The following CACNA1B variants were observed in gnomAD, a reference collection of about 807,000 sequenced individuals.
The protein encoded by CACNA1B is calcium voltage-gated channel subunit alpha1 B, also known as voltage-dependent N-type calcium channel subunit alpha-1B.
CACNA1B carries 70 observed loss-of-function variants against 247.2 expected under a neutral mutation model. That is an observed-to-expected ratio of 0.28 (90% CI 0.23 to 0.35). CACNA1B has a LOEUF of 0.35. CACNA1B is among the 10% of genes least tolerant of loss of function. The probability of loss-of-function intolerance (pLI) is 1.00; values close to 1 mark genes in which losing one functional copy is unlikely to be tolerated. For synonymous variants in CACNA1B, 1,231 were observed against 1,294.4 expected, an observed-to-expected ratio of 0.95 and a Z score of 1.05; for missense variants, 2,367 against 3,197.4, an observed-to-expected ratio of 0.74 and a Z score of 6.26.
chr9:138,026,444 A>G (rs1258531733), intron 20 of CACNA1B, among the ~76,000 whole-genome samples: 1 of 150,960 alleles, frequency 6.6e-6, no homozygotes, highest in African/African-American at 2.4e-5. Context: ...TCTTCCCCAC[A>G]CCCCTGTTGG....
rs370882227 is a variant in CACNA1B, at chr9:137,948,957, G to A, written c.967-3317G>A. Reference sequence around the variant, plus strand: ...TGTTTGTGTATGGTCTGTGTGGCATGCATGTGTATGGTGTGTGTCTGTTGT... The same window carrying A: ...TGTTTGTGTATGGTCTGTGTGGCATACATGTGTATGGTGTGTGTCTGTTGT... On this transcript the variant is annotated intron_variant, in intron 6 of 46. Coordinates refer to ENST00000371372, the MANE Select transcript of CACNA1B (RefSeq NM_000718.4). 1.1e-3 allele frequency among the ~76,000 whole-genome samples: 161 copies of A among 142,300 alleles called. 1 individual carries two copies. Among genetic ancestry groups the A allele is most frequent in the African/African-American group, 4.1e-3 (155 of 38,174 alleles). The allele number at this position is 142,300 out of a possible 152,430, so 93.4% of individuals were successfully genotyped here. A position where few individuals can be genotyped will look rare whatever the true frequency, so the allele number is the denominator to read the frequency against.
At chr9:138,061,221 C>T (rs969080104) in intron 31 of CACNA1B, among the ~76,000 whole-genome samples, 6 of 152,312 alleles carry the variant, frequency 3.9e-5, no homozygotes, top group African/African-American at 1.4e-4. Flanking sequence ...CTTTGTGATG[C>T]CTGCTGGCCT....
At position 138,010,448 on chromosome 9, in the gene CACNA1B, TA is replaced by T. The variant is rs1958709765; in HGVS notation, c.2160+373del. Among the ~76,000 whole-genome samples the T allele has an allele frequency of 2.0e-5, 3 of 152,274 alleles. No individual in the cohort carries two copies. The South Asian group carries it at 6.2e-4, about 32-fold the overall frequency. On this transcript the variant is annotated intron_variant, in intron 17 of 46. Transcript: ENST00000371372. This position sits in a 1 kb window ranked among gnomAD's most constrained non-coding sequence, Gnocchi z 5.3. ...AGGCAGTGCTCAGCGGGTGCCATTTTAATATTCATCTCATCCCTGAGCCTGG... is the reference window on the plus strand; with the variant it reads ...AGGCAGTGCTCAGCGGGTGCCATTTTATATTCATCTCATCCCTGAGCCTGG...
chr9:137,983,526 C>T (rs1284331365), intron 12 of CACNA1B, among the ~76,000 whole-genome samples: 1 of 152,124 alleles, frequency 6.6e-6, no homozygotes, highest in Non-Finnish European at 1.5e-5. Flanking sequence ...TTCCAGCTCA[C>T]CAACATCAAC....
chr9:137,890,562 C>G (rs1423371017), intron 3 of CACNA1B: 2 of 150,492 alleles, frequency 1.3e-5, no homozygotes, highest in Non-Finnish European at 3.0e-5. Flanking sequence ...GGCAAAGTCC[C>G]CATGCCACAG....
chr9:138,047,588 C>T, intron 23 of CACNA1B, 130 bp downstream of exon 23: 1 of 675,968 alleles, frequency 1.5e-6, no homozygotes, highest in South Asian at 1.8e-5. Context: ...TGTGTGCGTA[C>T]TGGGTGTGTG....
chr9:137,910,500 A>G (rs975631755), intron 3 of CACNA1B, among the ~76,000 whole-genome samples: 1 of 152,152 alleles, frequency 6.6e-6, no homozygotes, highest in Non-Finnish European at 1.5e-5. Context: ...CTTTGTTTCT[A>G]TTATTGTTAC....
rs1232086117 is a variant in CACNA1B at position 138,011,926 on chromosome 9, A to G, written c.2161-1203A>G. Among the ~76,000 whole-genome samples the G allele has an allele frequency of 6.6e-6, 1 of 152,224 alleles. No homozygotes were observed. The highest frequency in any genetic ancestry group is 2.4e-5 in the African/African-American group (1 of 41,452). On this transcript the variant is annotated intron_variant, in intron 17 of 46. Transcript: ENST00000371372. This position sits in a 1 kb window ranked among gnomAD's most constrained non-coding sequence, Gnocchi z 4.2. ...TTGAGGAAACAGTGGTGGCCCCAGC[A>G]GTCCAGATGGACAACGTGGAAGTCG...
chr9:138,103,241 C>T (rs1961313887), intron 38 of CACNA1B, among the ~76,000 whole-genome samples: 1 of 152,176 alleles, frequency 6.6e-6, no homozygotes, highest in Non-Finnish European at 1.5e-5. Flanking sequence ...TGGGTCTGGC[C>T]CTGGGGGCAG....
chr9:137,987,041 C>T (rs371867444), intron 15 of CACNA1B, among the ~76,000 whole-genome samples, 187 bp downstream of exon 15: 27 of 152,326 alleles, frequency 1.8e-4, no homozygotes, highest in Middle Eastern at 3.4e-3. Context: ...TCTCCAGGTC[C>T]GGGGGCCCCA....
chr9:138,075,794 G>A lies in CACNA1B; in HGVS notation c.4858-25G>A, dbSNP rs201766357. 4.6e-4 allele frequency: 694 copies of A among 1,509,248 alleles called. 3 individuals are homozygous for A. Among genetic ancestry groups the A allele is most frequent in the Non-Finnish European group, 5.3e-4 (584 of 1,092,038 alleles). The allele number at this position is 1,509,248 out of a possible 1,614,324, so 93.5% of individuals were successfully genotyped here. On this transcript the variant is annotated intron_variant, in intron 34 of 46. Transcript: ENST00000371372. ...GGCTCCTGCAGACCCAGCAGGGTCC[G>A]TGCCATTGCTCTTCTCCATTGCAGG...
At chr9:138,118,513 TGTGAACAGCA>T in intron 43 of CACNA1B, 129 bp from the exon 44 acceptor site, 1 of 577,898 alleles carries the variant, frequency 1.7e-6, no homozygotes, top group Non-Finnish European at 3.1e-6. Flanking sequence ...GTGGGGGACG[TGTGAACAGCA>T]GTGGGAGTTA....
chr9:137,991,885 A>T (rs1397549263), intron 15 of CACNA1B, among the ~76,000 whole-genome samples: 1 of 152,204 alleles, frequency 6.6e-6, no homozygotes, highest in Non-Finnish European at 1.5e-5. Flanking sequence ...AGGCAAACAA[A>T]TGCTGAGAGA....
intron 6 of CACNA1B, among the ~76,000 whole-genome samples, chr9:137,929,691 C>T (rs1957588052): frequency 6.6e-6 from 1 of 152,116 alleles, no homozygotes; most frequent in South Asian, 2.1e-4. Context: ...CTTACTGTGT[C>T]ACTCAGGCTG....
chr9:137,879,024 C>A, intron 1 of CACNA1B, 30 bp from the exon 2 acceptor site: 1 of 1,443,582 alleles, frequency 6.9e-7, no homozygotes, highest in African/African-American at 1.4e-5. Flanking sequence ...CTCCGTGCGG[C>A]GTCTGCCGGC....
chr9:138,047,947 G>A (rs1156881945), intron 23 of CACNA1B, among the ~76,000 whole-genome samples: 1 of 152,158 alleles, frequency 6.6e-6, no homozygotes, highest in Non-Finnish European at 1.5e-5. Context: ...GTGTTGACAC[G>A]AGGTCCCCCA....
At chr9:138,105,447 C>G (rs954354543) in intron 38 of CACNA1B, among the ~76,000 whole-genome samples, 9 of 152,216 alleles carry the variant, frequency 5.9e-5, no homozygotes, top group African/African-American at 2.2e-4. Flanking sequence ...GATCAAGGCT[C>G]CAGTCTTTAC....
chr9:137,986,482 C>T lies in CACNA1B; in HGVS notation c.1839C>T (p.Leu613=), dbSNP rs188088141. The change falls in exon 14 of 47, where the codon CTC becomes CTT. Residue 613 remains leucine (L), a synonymous_variant. Transcript: ENST00000371372. The surrounding 1 kb of genome is among the most constrained non-coding windows in gnomAD (Gnocchi z 6.0). ...LNSMKSIISL[L]FLLFLFIVVF... Reference sequence around the variant, plus strand: ...CCATGAAGTCCATCATCAGCCTGCTCTTCTTGCTCTTCCTGTTCATTGTGG... The same window carrying T: ...CCATGAAGTCCATCATCAGCCTGCTTTTCTTGCTCTTCCTGTTCATTGTGG... 1.2e-6 allele frequency: 2 copies of T among 1,613,792 alleles called. No homozygotes were observed. The highest frequency in any genetic ancestry group is 2.2e-5 in the East Asian group (1 of 44,872).
In CACNA1B at chr9:138,102,476, G is replaced by A. The variant is rs1205659858; in HGVS notation, c.5223-235G>A. On this transcript the variant is annotated intron_variant, in intron 37 of 46. Coordinates refer to ENST00000371372, the MANE Select transcript of CACNA1B (RefSeq NM_000718.4). This position sits in a 1 kb window ranked among gnomAD's most constrained non-coding sequence, Gnocchi z 5.4. Reference sequence around the variant, plus strand: ...CCACTGCCCCGCGTGGGGCTGGAGTGAGGAGGTGAGGCTCGGGGGTGGGGG... The same window carrying A: ...CCACTGCCCCGCGTGGGGCTGGAGTAAGGAGGTGAGGCTCGGGGGTGGGGG... Among the ~76,000 whole-genome samples, 1 of 152,162 alleles carries A rather than the reference G, an allele frequency of 6.6e-6. No homozygotes were observed. The highest frequency in any genetic ancestry group is 2.4e-5 in the African/African-American group (1 of 41,446).
Sources: gnomAD v4.1 joint callset for allele counts (sites outside exome capture counted in the v4.1 genomes callset) on GRCh38, gnomAD v4.1.1 for gene constraint, Gnocchi (gnomAD v3.1) non-coding constraint, MANE v1.5 for transcripts, NCBI Gene and HGNC (gene_info 2026-07-23, HGNC 2026-07-21) for gene names.